The following BBX variants were observed in gnomAD, a reference collection of about 807,000 sequenced individuals.
The protein encoded by BBX is HMG box transcription factor BBX.
Under a neutral mutation model 100.2 loss-of-function variants are expected in BBX, and 30 were observed. The observed-to-expected ratio is 0.30, with a 90% CI of 0.22 to 0.41. The LOEUF (loss-of-function observed/expected upper bound fraction) is 0.41. Among genes scored for constraint, BBX ranks in the 10% least tolerant of loss-of-function variants. The probability of loss-of-function intolerance (pLI) is 1.00; values close to 1 mark genes in which losing one functional copy is unlikely to be tolerated. For missense variants in BBX, 1,023 were observed against 1,129.8 expected, an observed-to-expected ratio of 0.91 and a Z score of 1.35; for synonymous variants, 376 against 388.1, an observed-to-expected ratio of 0.97 and a Z score of 0.37.
intron 3 of BBX, among the ~76,000 whole-genome samples, chr3:107,700,650 C>A (rs2060974337): frequency 2.2e-5 from 3 of 137,696 alleles, no homozygotes; most frequent in African/African-American, 2.8e-5. Flanking sequence ...CATGTGTTCT[C>A]ATTGTTCAAT....
chr3:107,668,996 A>G (rs749287206), intron 3 of BBX, among the ~76,000 whole-genome samples: 1 of 152,092 alleles, frequency 6.6e-6, no homozygotes, highest in African/African-American at 2.4e-5. Context: ...CCACATTCAG[A>G]GGTTAAAGTT....
At chr3:107,540,423 G>GA (rs2048786265) in intron 2 of BBX, among the ~76,000 whole-genome samples, 1 of 152,090 alleles carries the variant, frequency 6.6e-6, no homozygotes, top group Non-Finnish European at 1.5e-5. Context: ...ATTTTTTGTT[G>GA]AATCGAATTA....
intron 1 of BBX, among the ~76,000 whole-genome samples, chr3:107,526,019 T>A (rs567577344): frequency 1.3e-5 from 2 of 152,296 alleles, no homozygotes; most frequent in South Asian, 4.1e-4. Context: ...GGTGTGGTTT[T>A]TGCGTTTGCA....
intron 15 of BBX, among the ~76,000 whole-genome samples, chr3:107,797,685 A>G (rs537925648): frequency 6.6e-6 from 1 of 152,208 alleles, no homozygotes; most frequent in Admixed American, 6.5e-5. Context: ...GTAAACTGCT[A>G]AGAAAATGAG....
At chr3:107,546,705 T>C (rs1197042646) in intron 2 of BBX, among the ~76,000 whole-genome samples, 1 of 152,220 alleles carries the variant, frequency 6.6e-6, no homozygotes, top group Non-Finnish European at 1.5e-5. Flanking sequence ...AAATTTCTGT[T>C]AAATGCCTTT....
chr3:107,799,161 C>A (rs1339177699), intron 16 of BBX, among the ~76,000 whole-genome samples: 3 of 150,710 alleles, frequency 2.0e-5, no homozygotes, highest in East Asian at 3.9e-4. Context: ...AAAAAAAAAA[C>A]AACAACAACA....
intron 2 of BBX, among the ~76,000 whole-genome samples, chr3:107,531,789 A>G (rs573381149): frequency 6.6e-6 from 1 of 152,182 alleles, no homozygotes; most frequent in East Asian, 1.9e-4. Flanking sequence ...TCTTTAAAAA[A>G]GTAGAGTATG....
chr3:107,661,871 A>G lies in BBX; in HGVS notation c.-10+15962A>G, dbSNP rs573604274. On this transcript the variant is annotated intron_variant, in intron 3 of 17. Coordinates refer to ENST00000325805, the MANE Select transcript of BBX (RefSeq NM_001142568.3). ...CAAGCCTCTAGCAGTACCTGGTATC[A>G]TCTCCAGCATGTTATAGATGTGGAG... The G allele has an allele frequency of 4.1e-6, 4 of 985,354 alleles. No homozygotes were observed. In the East Asian group the frequency reaches 3.4e-4, roughly 84 times the overall value. The allele number at this position is 985,354 out of a possible 1,614,324, so 61.0% of individuals were successfully genotyped here.
chr3:107,681,864 A>G (rs993208620), intron 3 of BBX, among the ~76,000 whole-genome samples: 9 of 152,128 alleles, frequency 5.9e-5, no homozygotes, highest in African/African-American at 2.2e-4. Context: ...AAAGCTAGCA[A>G]CAGGGGGGCT....
At chr3:107,714,060 C>T (rs1411432399) in intron 4 of BBX, among the ~76,000 whole-genome samples, 2 of 144,540 alleles carry the variant, frequency 1.4e-5, no homozygotes, top group African/African-American at 5.1e-5. Context: ...ACTGCAGCCT[C>T]CTCCTCCCAG....
intron 2 of BBX, among the ~76,000 whole-genome samples, chr3:107,529,551 G>A (rs1371918311): frequency 6.6e-6 from 1 of 152,198 alleles, no homozygotes. Context: ...CTGAATGGAG[G>A]CTCTTCCAGC....
intron 2 of BBX, among the ~76,000 whole-genome samples, chr3:107,586,888 C>T (rs1360208128): frequency 6.6e-6 from 1 of 151,908 alleles, no homozygotes. Context: ...GTAGCTGGGA[C>T]TACAGACGCA....
chr3:107,591,321 G>T (rs2053289293), intron 2 of BBX, among the ~76,000 whole-genome samples: 1 of 152,094 alleles, frequency 6.6e-6, no homozygotes, highest in Non-Finnish European at 1.5e-5. Flanking sequence ...AGTGAAGAAA[G>T]TTACAAAACT....
chr3:107,613,317 G>C, intron 2 of BBX, among the ~76,000 whole-genome samples: 1 of 149,752 alleles, frequency 6.7e-6, no homozygotes, highest in East Asian at 1.9e-4. Context: ...CTCCTGAGTA[G>C]CTGGGACTAC....
intron 3 of BBX, among the ~76,000 whole-genome samples, chr3:107,665,436 A>G (rs964940176): frequency 1.3e-5 from 2 of 152,154 alleles, no homozygotes; most frequent in African/African-American, 4.8e-5. Flanking sequence ...CTTCTAATTG[A>G]AATGAAAAAC....
intron 15 of BBX, among the ~76,000 whole-genome samples, chr3:107,796,953 T>C (rs2069742503): frequency 6.6e-6 from 1 of 152,134 alleles, no homozygotes; most frequent in Admixed American, 6.5e-5. Flanking sequence ...TTAAAACAAC[T>C]GTTATCTTAA....
chr3:107,540,883 T>C (rs928891083), intron 2 of BBX, among the ~76,000 whole-genome samples: 2 of 152,208 alleles, frequency 1.3e-5, no homozygotes, highest in Admixed American at 6.5e-5. Context: ...CTCCTCTTTT[T>C]GGAATTTTTT....
At chr3:107,582,237 T>A (rs35387050) in intron 2 of BBX, among the ~76,000 whole-genome samples, 25,876 of 151,582 alleles carry the variant, frequency 0.17, 2,954 homozygotes, top group African/African-American at 0.33. Context: ...TTTGGAAAAA[T>A]TTCTGCAGTT....
At chr3:107,590,367 A>G (rs905806776) in intron 2 of BBX, among the ~76,000 whole-genome samples, 1 of 152,190 alleles carries the variant, frequency 6.6e-6, no homozygotes, top group African/African-American at 2.4e-5. Flanking sequence ...CACCTCAAAC[A>G]TGTATCATTT....
Sources: allele counts gnomAD v4.1 joint callset (sites outside exome capture counted in the v4.1 genomes callset), GRCh38; gene constraint gnomAD v4.1.1; transcripts MANE v1.5; gene names NCBI Gene and HGNC (gene_info 2026-07-23, HGNC 2026-07-21).